KTN1: variants seen among roughly 807,000 people sequenced by gnomAD.
KTN1 encodes kinectin.
KTN1 carries 130 observed loss-of-function variants against 222.5 expected under a neutral mutation model. The observed-to-expected ratio is 0.58, with a 90% CI of 0.51 to 0.68. KTN1 has a LOEUF of 0.68. Among genes scored for constraint, KTN1 ranks in the 30% least tolerant of loss-of-function variants. The probability of loss-of-function intolerance (pLI) is 0.00; values close to 1 mark genes in which losing one functional copy is unlikely to be tolerated. For synonymous variants in KTN1, 512 were observed against 496.3 expected (o/e 1.03, Z -0.42); for missense variants, 1,508 against 1,500.4 (o/e 1.01, Z -0.08).
chr14:55,674,897 T>C (rs932938081), intron 40 of KTN1: 2 of 152,166 alleles, frequency 1.3e-5, no homozygotes, highest in African/African-American at 2.4e-5. Context: ...TTGTGTATTC[T>C]TGGGCCAAAA....
At chr14:55,672,760 G>A in intron 38 of KTN1, 59 bp downstream of exon 38, 1 of 1,209,388 alleles carries the variant, frequency 8.3e-7, no homozygotes, top group South Asian at 1.3e-5. Flanking sequence ...ATTAACGGTT[G>A]TCTGAAGATC....
At chr14:55,639,248 T>C (rs199661053) in intron 13 of KTN1, 26 bp downstream of exon 13, 27 of 1,553,336 alleles carry the variant, frequency 1.7e-5, no homozygotes, top group African/African-American at 4.1e-5. Context: ...CACACTCTTA[T>C]AATTGTGTAG....
chr14:55,627,957 A>T lies in KTN1; in HGVS notation c.1009A>T (p.Lys337Ter). 6.2e-7 allele frequency: 1 copy of T among 1,613,952 alleles called. No individual in the cohort carries two copies. Among genetic ancestry groups the T allele is most frequent in the Non-Finnish European group, 8.5e-7 (1 of 1,179,846 alleles). The change falls in exon 6 of 44, where the codon AAG (lysine) becomes TAG (stop). Residue 337 changes from lysine (K) to a stop codon, truncating the protein, a stop_gained. Transcript: ENST00000395314. LOFTEE classifies it high-confidence loss of function. ...LTTLIHQLQE[K>*]DKLLAAVKED... ...TACGCTTATACATCAGCTTCAAGAA[A>T]AGGACAAGTTACTCGCTGCTGTGAA...
chr14:55,614,456 G>A (rs2038054092), intron 2 of KTN1, among the ~76,000 whole-genome samples: 1 of 152,158 alleles, frequency 6.6e-6, no homozygotes, highest in South Asian at 2.1e-4. Context: ...GGAGAAGATA[G>A]GATTAAAGCT....
chr14:55,682,006 C>T (rs1008277720), intron 43 of KTN1: 1 of 152,022 alleles, frequency 6.6e-6, no homozygotes, highest in Non-Finnish European at 1.5e-5. Context: ...TAGGTAATAG[C>T]TTAATATATC....
chr14:55,667,610 T>G (rs1480091862), intron 34 of KTN1: 2 of 199,064 alleles, frequency 1.0e-5, no homozygotes, highest in East Asian at 1.2e-4. Flanking sequence ...ATAAAACCAA[T>G]ATGGTAACAT....
chr14:55,619,727 A>G (rs893253257), intron 5 of KTN1, among the ~76,000 whole-genome samples: 1 of 152,110 alleles, frequency 6.6e-6, no homozygotes, highest in Non-Finnish European at 1.5e-5. Flanking sequence ...CCCATGATTC[A>G]ATTATGTCCC....
chr14:55,678,918 T>C (rs1166525170), intron 42 of KTN1: 1 of 156,338 alleles, frequency 6.4e-6, no homozygotes, highest in Non-Finnish European at 1.4e-5. Flanking sequence ...GGAAAAATTG[T>C]CTTCCACAAA....
intron 1 of KTN1, among the ~76,000 whole-genome samples, chr14:55,586,294 T>A (rs181185382): frequency 4.6e-5 from 7 of 152,324 alleles, no homozygotes; most frequent in Admixed American, 4.6e-4. Flanking sequence ...GCATGTGTGA[T>A]CTTAACCTAT....
intron 42 of KTN1, chr14:55,678,658 C>T (rs1201465044): frequency 4.2e-6 from 2 of 478,124 alleles, no homozygotes; most frequent in Non-Finnish European, 7.6e-6. Flanking sequence ...CGGGGGTCCC[C>T]AATTCCTGGA....
rs529016029 is a variant in KTN1, at chr14:55,651,320, C to G, written c.2566-570C>G. The G allele has an allele frequency of 8.8e-6, 4 of 455,948 alleles. No homozygotes were observed. In the Middle Eastern group the frequency reaches 9.8e-4, roughly 111 times the overall value. The allele number at this position is 455,948 out of a possible 1,614,324, so 28.2% of individuals were successfully genotyped here. On this transcript the variant is annotated intron_variant, in intron 24 of 43. Transcript: ENST00000395314. Reference sequence around the variant, plus strand: ...TTCAGGAAAGTCTTCTCCTGAGGAACTGACATCTAAGCCAAGAATCTGAAG... The same window carrying G: ...TTCAGGAAAGTCTTCTCCTGAGGAAGTGACATCTAAGCCAAGAATCTGAAG...
chr14:55,682,279 C>T (rs753120809), intron 43 of KTN1: 3 of 151,900 alleles, frequency 2.0e-5, no homozygotes, highest in Non-Finnish European at 2.9e-5. Flanking sequence ...TTTCCTCCCC[C>T]CATCAAAAAA....
chr14:55,616,022 C>T (rs1007279296), intron 2 of KTN1, among the ~76,000 whole-genome samples: 6 of 152,060 alleles, frequency 3.9e-5, no homozygotes, highest in African/African-American at 1.4e-4. Context: ...AAGCTATCCT[C>T]CCACCTCAGC....
intron 34 of KTN1, 38 bp from the exon 35 acceptor site, chr14:55,670,691 C>A: frequency 3.7e-6 from 5 of 1,338,286 alleles, no homozygotes; most frequent in African/African-American, 1.5e-5. Flanking sequence ...TTTTTTTTTT[C>A]TTTGGAAATT....
chr14:55,618,443 T>TA (rs2038694869), intron 4 of KTN1, among the ~76,000 whole-genome samples: 1 of 152,188 alleles, frequency 6.6e-6, no homozygotes, highest in Admixed American at 6.5e-5. Flanking sequence ...CTGTTTTTTT[T>TA]AGAGTAGTTT....
At chr14:55,663,832 T>G (rs1429645136) in intron 32 of KTN1, 123 bp from the exon 33 acceptor site, 1 of 625,686 alleles carries the variant, frequency 1.6e-6, no homozygotes, top group Non-Finnish European at 2.8e-6. Context: ...TATGCATATT[T>G]TCCCATTGAA....
chr14:55,676,230 C>T (rs1273403402), intron 41 of KTN1, among the ~76,000 whole-genome samples: 1 of 152,040 alleles, frequency 6.6e-6, no homozygotes, highest in Non-Finnish European at 1.5e-5. Flanking sequence ...TGGGATTTGG[C>T]TGTGTATTCA....
chr14:55,659,751 A>ATG (rs1395280717), intron 31 of KTN1, 48 bp downstream of exon 31: 1 of 1,072,636 alleles, frequency 9.3e-7, no homozygotes, highest in Non-Finnish European at 1.4e-6. Flanking sequence ...AACTATTTTT[A>ATG]TGTGGTAAAC....
At chr14:55,678,610 G>A in intron 42 of KTN1, 166 bp downstream of exon 42, 1 of 584,100 alleles carries the variant, frequency 1.7e-6, no homozygotes, top group South Asian at 2.0e-5. Context: ...GCTTATTGAG[G>A]TATGTTAATT....
Sources: gnomAD v4.1 joint callset for allele counts (sites outside exome capture counted in the v4.1 genomes callset) on GRCh38, gnomAD v4.1.1 for gene constraint, MANE v1.5 for transcripts, NCBI Gene and HGNC (gene_info 2026-07-23, HGNC 2026-07-21) for gene names.